Variants in TTC29 observed in about 807,000 individuals in gnomAD.
TTC29 encodes the protein tetratricopeptide repeat domain 29, also known as tetratricopeptide repeat protein 29.
In TTC29, 49 loss-of-function variants were observed where a neutral mutation model predicts 58.1. The ratio of observed to expected loss-of-function variants is 0.84; its 90% CI spans 0.67 to 1.07. The LOEUF (loss-of-function observed/expected upper bound fraction) is 1.07. Among genes scored for constraint, TTC29 ranks in the 50% least tolerant of loss-of-function variants. The pLI is 0.00. For synonymous variants in TTC29, 209 were observed against 196.8 expected, an observed-to-expected ratio of 1.06 and a Z score of -0.52; for missense variants, 582 against 555.6, an observed-to-expected ratio of 1.05 and a Z score of -0.48.
At chr4:146,737,594 G>GC (rs201288135) in intron 11 of TTC29, among the ~76,000 whole-genome samples, 23 of 148,766 alleles carry the variant, frequency 1.5e-4, no homozygotes, top group South Asian at 1.1e-3. Context: ...TAGCCCTGGG[G>GC]GGGGGGGGGC....
At chr4:146,878,040 C>T (rs111306532) in intron 6 of TTC29, among the ~76,000 whole-genome samples, 13 of 152,088 alleles carry the variant, frequency 8.5e-5, no homozygotes, top group East Asian at 3.9e-4. Context: ...ATTCCTTATC[C>T]GCCAGACGTC....
At chr4:146,831,517 C>A (rs995536095) in intron 9 of TTC29, 1 of 195,738 alleles carries the variant, frequency 5.1e-6, no homozygotes, top group South Asian at 8.7e-5. Context: ...AGTGTTGGAA[C>A]AGAATGGTCC....
chr4:146,728,794 C>CACATATATACACATATATAT (rs1450598794), intron 11 of TTC29, among the ~76,000 whole-genome samples: 3 of 119,848 alleles, frequency 2.5e-5, no homozygotes, highest in Non-Finnish European at 5.2e-5. Flanking sequence ...TGTATATATA[C>CACATATATACACATATATAT]GTATATATAC....
chr4:146,913,081 C>T (rs1263694829), intron 4 of TTC29, among the ~76,000 whole-genome samples: 3 of 152,004 alleles, frequency 2.0e-5, no homozygotes, highest in Non-Finnish European at 4.4e-5. Flanking sequence ...CCCTAGAAGG[C>T]AGTTTGGGGG....
At chr4:146,926,101 C>G (rs531992284) in intron 4 of TTC29, among the ~76,000 whole-genome samples, 1 of 152,240 alleles carries the variant, frequency 6.6e-6, no homozygotes, top group Admixed American at 6.5e-5. Context: ...CTGTTACTAT[C>G]TTGTTTGAAA....
chr4:146,873,485 G>A (rs1171921328), intron 7 of TTC29, among the ~76,000 whole-genome samples: 10 of 152,168 alleles, frequency 6.6e-5, no homozygotes, highest in Non-Finnish European at 1.0e-4. Flanking sequence ...ACTGTTGGAA[G>A]AGACCCAAGG....
intron 11 of TTC29, among the ~76,000 whole-genome samples, chr4:146,718,794 C>T (rs1317162445): frequency 8.5e-5 from 13 of 152,138 alleles, no homozygotes; most frequent in Admixed American, 8.5e-4. Context: ...ACCAACGACA[C>T]ATAGTTTTCC....
At chr4:146,917,566 T>G (rs1329058936) in intron 4 of TTC29, among the ~76,000 whole-genome samples, 3 of 145,334 alleles carry the variant, frequency 2.1e-5, no homozygotes, top group African/African-American at 7.4e-5. Context: ...TATATGTAAT[T>G]TTTATAAAAT....
intron 6 of TTC29, among the ~76,000 whole-genome samples, chr4:146,891,141 T>C (rs985300882): frequency 1.3e-5 from 2 of 152,164 alleles, no homozygotes; most frequent in African/African-American, 4.8e-5. Flanking sequence ...AACTCTACCC[T>C]AAACTACTAG....
intron 9 of TTC29, among the ~76,000 whole-genome samples, chr4:146,828,077 A>G (rs1727924458): frequency 6.6e-6 from 1 of 151,094 alleles, no homozygotes. Flanking sequence ...ATGTTACTGC[A>G]GCTGTGAATA....
intron 8 of TTC29, among the ~76,000 whole-genome samples, chr4:146,852,561 TTGGCTGCCCTCCCAGGCCTTTACTCTTGC>T (rs1218870001): frequency 6.6e-6 from 1 of 152,204 alleles, no homozygotes; most frequent in Non-Finnish European, 1.5e-5. Flanking sequence ...CTGCATGCAT[TTGGCTGCCCTCCCAGGCCTTTACTCTTGC>T]TGCTCCTGCT....
At chr4:146,723,010 T>G (rs1743485910) in intron 11 of TTC29, among the ~76,000 whole-genome samples, 1 of 152,026 alleles carries the variant, frequency 6.6e-6, no homozygotes, top group African/African-American at 2.4e-5. Flanking sequence ...AATTAAAGAT[T>G]TAAATGCAGG....
chr4:146,811,292 A>G (rs1027526805), intron 10 of TTC29, among the ~76,000 whole-genome samples: 19 of 152,170 alleles, frequency 1.2e-4, no homozygotes, highest in African/African-American at 4.6e-4. Flanking sequence ...TATGAGGAAA[A>G]TATTATTCTT....
chr4:146,929,657 C>T (rs1308066571), intron 4 of TTC29, among the ~76,000 whole-genome samples: 1 of 152,088 alleles, frequency 6.6e-6, no homozygotes, highest in African/African-American at 2.4e-5. Context: ...CATGCATATA[C>T]TGATGTTGGT....
Position 146,918,201 on chromosome 4 carries a change from TA to T in TTC29, c.177-8953del, listed in dbSNP as rs1044046855. ...AAGCATAGTCAGAATTTCAACATTT[TA>T]AAAGTATATATACAAATTGAAAAAT... On this transcript the variant is annotated intron_variant, in intron 4 of 12. Coordinates refer to ENST00000325106, the MANE Select transcript of TTC29 (RefSeq NM_031956.4). 6.0e-5 allele frequency among the ~76,000 whole-genome samples: 9 copies of T among 151,026 alleles called. No homozygotes were observed. The Admixed American group carries it at 6.0e-4, about 10-fold the overall frequency.
chr4:146,887,489 T>C (rs147257407), intron 6 of TTC29, among the ~76,000 whole-genome samples: 1 of 152,218 alleles, frequency 6.6e-6, no homozygotes, highest in African/African-American at 2.4e-5. Flanking sequence ...AAGGGCCTGA[T>C]ATGGATATTA....
At chr4:146,798,258 C>A (rs978276099) in intron 11 of TTC29, among the ~76,000 whole-genome samples, 5 of 151,796 alleles carry the variant, frequency 3.3e-5, no homozygotes. Context: ...AAATCAGGAG[C>A]CCCAGGAACA....
At chr4:146,782,489 T>G (rs1248612073) in intron 11 of TTC29, among the ~76,000 whole-genome samples, 1 of 151,942 alleles carries the variant, frequency 6.6e-6, no homozygotes, top group Non-Finnish European at 1.5e-5. Context: ...ATGTTTATCT[T>G]GTAGCAAGTT....
chr4:146,728,839 A>ATATG (rs1554006129), intron 11 of TTC29, among the ~76,000 whole-genome samples: 1 of 85,566 alleles, frequency 1.2e-5, no homozygotes, highest in Non-Finnish European at 2.3e-5. Context: ...ATATATACAC[A>ATATG]TATATATGTA....
Sources: gnomAD v4.1 joint callset for allele counts (sites outside exome capture counted in the v4.1 genomes callset) on GRCh38, gnomAD v4.1.1 for gene constraint, MANE v1.5 for transcripts, NCBI Gene and HGNC (gene_info 2026-07-23, HGNC 2026-07-21) for gene names.